Variants in SLC37A3 observed in about 807,000 individuals in gnomAD.
SLC37A3 encodes the protein sugar phosphate exchanger 3.
In SLC37A3, 51 loss-of-function variants were observed where a neutral mutation model predicts 67.1. The ratio of observed to expected loss-of-function variants is 0.76; its 90% CI spans 0.61 to 0.96. The LOEUF (loss-of-function observed/expected upper bound fraction) is 0.96. Among genes scored for constraint, SLC37A3 ranks in the 40% least tolerant of loss-of-function variants. SLC37A3 has a pLI of 0.00. For missense variants in SLC37A3, 508 were observed against 603.0 expected (o/e 0.84, Z 1.65); for synonymous variants, 214 against 231.4 (o/e 0.92, Z 0.68).
At chr7:140,398,288 T>G (rs1196401464) in intron 1 of SLC37A3, 128 bp downstream of exon 1, 4 of 152,200 alleles carry the variant, frequency 2.6e-5, no homozygotes, top group African/African-American at 7.2e-5. Flanking sequence ...CGACCCTGCC[T>G]GGGCGCCCCA....
chr7:140,391,734 T>G (rs1361758487), intron 1 of SLC37A3, among the ~76,000 whole-genome samples: 1 of 152,112 alleles, frequency 6.6e-6, no homozygotes, highest in Non-Finnish European at 1.5e-5. Context: ...CATATACCCC[T>G]CCTGAGCAAG....
chr7:140,360,569 A>G (rs1479908134), intron 5 of SLC37A3, among the ~76,000 whole-genome samples: 3 of 151,728 alleles, frequency 2.0e-5, no homozygotes, highest in African/African-American at 7.3e-5. Context: ...CCCTGACTCT[A>G]CTAAAAATAC....
rs541405196 is a variant in SLC37A3 at position 140,355,442 on chromosome 7, G to A, written c.618+226C>T. Among the ~76,000 whole-genome samples the A allele has an allele frequency of 3.5e-3, 536 of 152,166 alleles. 4 individuals are homozygous for A. The highest frequency in any genetic ancestry group is 0.012 in the African/African-American group (512 of 41,520). On this transcript the variant is annotated intron_variant, in intron 7 of 14. Transcript: ENST00000326232. ...TTGGCCAAACTGGTCTCAAACTCCC[G>A]ACCTCGGCTGATCCGCCTGCCTTGG...
chr7:140,361,079 G>T (rs1797248318), intron 5 of SLC37A3, among the ~76,000 whole-genome samples: 1 of 152,068 alleles, frequency 6.6e-6, no homozygotes, highest in South Asian at 2.1e-4. Context: ...TCTCAAAGAG[G>T]TGTCATTTGG....
chr7:140,393,263 T>C (rs12670806), intron 1 of SLC37A3, among the ~76,000 whole-genome samples: 8,866 of 152,200 alleles, frequency 0.058, 351 homozygotes, highest in East Asian at 0.13. Context: ...GCACACACTA[T>C]CTGTTGTGCA....
At chr7:140,385,572 A>G (rs1025153628) in intron 1 of SLC37A3, among the ~76,000 whole-genome samples, 6 of 152,182 alleles carry the variant, frequency 3.9e-5, no homozygotes, top group African/African-American at 1.4e-4. Context: ...CCAAAAATAA[A>G]TGCTCCAACA....
At chr7:140,341,650 C>T (rs1306252276) in intron 13 of SLC37A3, among the ~76,000 whole-genome samples, 2 of 152,124 alleles carry the variant, frequency 1.3e-5, no homozygotes, top group African/African-American at 4.8e-5. Context: ...GTGATTTACT[C>T]CAGACGTGCT....
At chr7:140,387,766 A>ATATATTATATATAATATAAATATATTATG (rs1798538289) in intron 1 of SLC37A3, among the ~76,000 whole-genome samples, 1 of 77,106 alleles carries the variant, frequency 1.3e-5, no homozygotes, top group Non-Finnish European at 2.4e-5. Flanking sequence ...AATATATTAT[A>ATATATTATATATAATATAAATATATTATG]TATATTATAC....
At chr7:140,392,184 G>A (rs1345948703) in intron 1 of SLC37A3, among the ~76,000 whole-genome samples, 1 of 151,906 alleles carries the variant, frequency 6.6e-6, no homozygotes, top group African/African-American at 2.4e-5. Context: ...GTCCTGGCTG[G>A]AGCTATACTC....
rs1203745173 is a variant in SLC37A3 at position 140,343,411 on chromosome 7, C to G, written c.1326+1G>C. Reference sequence around the variant, plus strand: ...TCCCAGCCCCTCTCCTGTTCTCTCACCTGGCCCACTGCAGCTCCAATGCTC... The same window carrying G: ...TCCCAGCCCCTCTCCTGTTCTCTCAGCTGGCCCACTGCAGCTCCAATGCTC... On this transcript the variant is annotated splice_donor_variant, in intron 13 of 14. Transcript: ENST00000326232. LOFTEE classifies it high-confidence loss of function. 3 of 1,612,728 alleles carry G rather than the reference C, an allele frequency of 1.9e-6. No homozygotes were observed.
intron 1 of SLC37A3, 56 bp from the exon 2 acceptor site, chr7:140,382,652 A>C (rs1798303188): frequency 2.6e-6 from 2 of 781,472 alleles, no homozygotes; most frequent in Admixed American, 2.7e-5. Flanking sequence ...GTATCCAAAA[A>C]CTGTATTATT....
At chr7:140,340,921 G>C (rs564330208) in intron 13 of SLC37A3, among the ~76,000 whole-genome samples, 1 of 121,072 alleles carries the variant, frequency 8.3e-6, no homozygotes, top group Non-Finnish European at 1.7e-5. Context: ...ATAAGAGCCA[G>C]ATGCTGTCTC....
chr7:140,353,718 T>G (rs1796908590), intron 7 of SLC37A3, among the ~76,000 whole-genome samples: 1 of 151,978 alleles, frequency 6.6e-6, no homozygotes, highest in Non-Finnish European at 1.5e-5. Context: ...CTGTTTTGTT[T>G]TGTTTTTTTT....
chr7:140,364,196 A>G (rs1797503815), intron 5 of SLC37A3, among the ~76,000 whole-genome samples: 1 of 151,574 alleles, frequency 6.6e-6, no homozygotes, highest in South Asian at 2.1e-4. Flanking sequence ...GGTTGCAGTG[A>G]GCTGAGATCG....
chr7:140,380,897 C>CTTCTTT (rs57748652), intron 2 of SLC37A3, among the ~76,000 whole-genome samples: 12 of 125,836 alleles, frequency 9.5e-5, no homozygotes, highest in East Asian at 7.2e-4. Flanking sequence ...TCTTCTTCTT[C>CTTCTTT]TTTTTTTTTT....
chr7:140,345,387 G>A, intron 11 of SLC37A3, 124 bp from the exon 12 acceptor site: 2 of 698,258 alleles, frequency 2.9e-6, no homozygotes, highest in South Asian at 1.7e-5. Flanking sequence ...ACAACAAAGA[G>A]ACACAACTCT....
chr7:140,395,718 T>C (rs2129997415), intron 1 of SLC37A3, among the ~76,000 whole-genome samples: 1 of 151,574 alleles, frequency 6.6e-6, no homozygotes. Context: ...AAAAAATAAA[T>C]AAATAAATAA....
intron 3 of SLC37A3, among the ~76,000 whole-genome samples, chr7:140,373,271 T>G (rs1374253278): frequency 2.0e-5 from 3 of 152,096 alleles, no homozygotes; most frequent in Admixed American, 1.3e-4. Context: ...TTTTTCATAT[T>G]CTGTGTGAGT....
At chr7:140,391,525 C>T (rs949998976) in intron 1 of SLC37A3, among the ~76,000 whole-genome samples, 6 of 152,170 alleles carry the variant, frequency 3.9e-5, no homozygotes, top group African/African-American at 7.2e-5. Flanking sequence ...CACTGCACTC[C>T]GGTCTGGGCG....
Sources: gnomAD v4.1 joint callset for allele counts (sites outside exome capture counted in the v4.1 genomes callset) on GRCh38, gnomAD v4.1.1 for gene constraint, MANE v1.5 for transcripts, NCBI Gene and HGNC (gene_info 2026-07-23, HGNC 2026-07-21) for gene names.